Variants in ZNF709 observed in about 807,000 individuals in gnomAD.
The protein encoded by ZNF709 is zinc finger protein 709.
ZNF709 carries 15 observed loss-of-function variants against 10.6 expected under a neutral mutation model. The observed-to-expected ratio is 1.41, with a 90% CI of 0.95 to 2.18. The LOEUF is 2.18. Ranked by LOEUF, ZNF709 falls within the 30% of genes most tolerant of loss-of-function variation. The pLI, the probability that ZNF709 is intolerant of heterozygous loss-of-function variation, is 0.00. For missense variants in ZNF709, 589 were observed against 774.0 expected (o/e 0.76, Z 2.84); for synonymous variants, 194 against 238.8 (o/e 0.81, Z 1.73).
Position 12,464,362 on chromosome 19 carries a change from T to C in ZNF709, c.1560A>G (p.Arg520=), listed in dbSNP as rs1970545822. 1 of 1,612,256 alleles carries C rather than the reference T, an allele frequency of 6.2e-7. No individual in the cohort carries two copies. Among genetic ancestry groups the C allele is most frequent in the Non-Finnish European group, 8.5e-7 (1 of 1,179,124 alleles). The change falls in exon 4 of 4, where the codon CGA becomes CGG. Residue 520 remains arginine, a synonymous_variant. Transcript: ENST00000397732. ...CCCCAGTGTGAGTCCTTTCATGCATTCGAAAGGAACTGGAACAACTGAAGG... is the reference window on the plus strand; with the variant it reads ...CCCCAGTGTGAGTCCTTTCATGCATCCGAAAGGAACTGGAACAACTGAAGG... The part of the protein sequence containing the change: ...GKAFSCSSSF[R]MHERTHTGEK...
chr19:12,476,418 G>T (rs899307089), intron 1 of ZNF709, among the ~76,000 whole-genome samples: 3 of 151,520 alleles, frequency 2.0e-5, no homozygotes, highest in Non-Finnish European at 4.4e-5. Flanking sequence ...AAAGTTATAG[G>T]ATACTAAAAG....
intron 1 of ZNF709, among the ~76,000 whole-genome samples, chr19:12,483,307 ATTTTTTTTTT>A (rs35777030): frequency 3.2e-4 from 30 of 95,234 alleles, no homozygotes; most frequent in African/African-American, 1.1e-3. Flanking sequence ...CGCCCAGCTA[ATTTTTTTTTT>A]TTTTTTTTTT....
rs771188520 is a variant in ZNF709 at position 12,465,497 on chromosome 19, C to A, written c.425G>T (p.Cys142Phe). ...YHKYGEKSYE[C>F]KECGKRFSFR... ...GCTGAATCTTTTCCCACATTCCTTA[C>A]ATTCATATGATTTCTCTCCATATTT... is the stretch of plus-strand genomic sequence containing the variant. The change falls in exon 4 of 4, where the codon TGT becomes TTT. Residue 142 changes from cysteine to phenylalanine, a missense_variant. By Grantham distance (205) the Cys-to-Phe change is radical. This residue lies in a region of ZNF709 where 418 missense variants were observed against 496.3 expected (regional missense o/e 0.84). Coordinates refer to ENST00000397732, the MANE Select transcript of ZNF709 (RefSeq NM_152601.4). The A allele has an allele frequency of 6.2e-7, 1 of 1,610,242 alleles. No individual in the cohort carries two copies. The highest frequency in any genetic ancestry group is 8.5e-7 in the Non-Finnish European group (1 of 1,178,644).
intron 1 of ZNF709, among the ~76,000 whole-genome samples, chr19:12,483,739 A>G (rs1233735775): frequency 1.3e-5 from 2 of 152,032 alleles, no homozygotes; most frequent in Non-Finnish European, 2.9e-5. Context: ...GGGTTTCGCC[A>G]TGTTGGCTGG....
chr19:12,478,855 G>A (rs1473724055), intron 1 of ZNF709, among the ~76,000 whole-genome samples: 11 of 152,194 alleles, frequency 7.2e-5, no homozygotes, highest in East Asian at 1.9e-4. Context: ...TGTGCAGCAC[G>A]AGGAGAAGAG....
intron 1 of ZNF709, 126 bp downstream of exon 1, chr19:12,484,529 G>A (rs1337501492): frequency 2.3e-6 from 3 of 1,322,754 alleles, no homozygotes; most frequent in Non-Finnish European, 3.2e-6. Context: ...AGCTGCGCCA[G>A]GAGGACTCGG....
intron 1 of ZNF709, among the ~76,000 whole-genome samples, chr19:12,467,143 C>A (rs1459015762): frequency 6.6e-6 from 1 of 152,180 alleles, no homozygotes; most frequent in Non-Finnish European, 1.5e-5. Flanking sequence ...CCTCTCCCCA[C>A]GGTCTCCCTC....
chr19:12,478,812 T>A (rs1970697402), intron 1 of ZNF709, among the ~76,000 whole-genome samples: 1 of 152,134 alleles, frequency 6.6e-6, no homozygotes, highest in Non-Finnish European at 1.5e-5. Context: ...TGGTTTGAAT[T>A]TCCTGCTCCC....
rs746471677 is a variant in ZNF709, at chr19:12,465,633, T to C, written c.289A>G (p.Thr97Ala). Residue 97 changes from threonine to alanine, a missense_variant, in exon 4 of 4, where the codon ACT (threonine) becomes GCT (alanine). This residue lies in a region of ZNF709 where 418 missense variants were observed against 496.3 expected (regional missense o/e 0.84). Transcript: ENST00000397732. ...CTACATTCATATGGTTTTACTCTAG[T>C]AAAAGTTTTCTTGTTTGGTTTAGGA... ...PNPKPNKKTF[T>A]RVKPYECSVC... 6.2e-7 allele frequency: 1 copy of C among 1,613,260 alleles called. No homozygotes were observed. The highest frequency in any genetic ancestry group is 1.1e-5 in the South Asian group (1 of 90,736).
intron 1 of ZNF709, among the ~76,000 whole-genome samples, chr19:12,467,263 G>C (rs565445148): frequency 2.0e-5 from 3 of 152,162 alleles, no homozygotes; most frequent in East Asian, 3.9e-4. Context: ...TCAGCCTGCC[G>C]AGTGCCTGCG....
chr19:12,463,915 A>C lies in ZNF709; in HGVS notation c.*81T>G. 1 of 1,196,602 alleles carries C rather than the reference A, an allele frequency of 8.4e-7. No individual in the cohort carries two copies. The highest frequency in any genetic ancestry group is 1.1e-6 in the Non-Finnish European group (1 of 913,308). The allele number at this position is 1,196,602 out of a possible 1,614,324, so 74.1% of individuals were successfully genotyped here. A position where few individuals can be genotyped will look rare whatever the true frequency, so the allele number is the denominator to read the frequency against. On this transcript the variant is annotated 3_prime_UTR_variant, in exon 4 of 4. Transcript: ENST00000397732. ...GCACTCCAGCCAGGGCAACAGAGTG[A>C]GAATTCAACTCAAAAAAAAAAAAAA...
At chr19:12,467,688 G>C (rs35017653) in intron 1 of ZNF709, among the ~76,000 whole-genome samples, 1 of 151,374 alleles carries the variant, frequency 6.6e-6, no homozygotes, top group Non-Finnish European at 1.5e-5. Context: ...TCACATCTAG[G>C]AAGTGAGGAG....
chr19:12,468,502 C>T (rs563151992), intron 1 of ZNF709, among the ~76,000 whole-genome samples: 51 of 151,626 alleles, frequency 3.4e-4, no homozygotes, highest in Non-Finnish European at 6.3e-4. Flanking sequence ...GCAGCATGCT[C>T]GTTAAGAGTC....
chr19:12,471,553 G>A (rs1970634644), intron 1 of ZNF709, among the ~76,000 whole-genome samples: 1 of 152,168 alleles, frequency 6.6e-6, no homozygotes, highest in Admixed American at 6.5e-5. Context: ...TACTTGCCTA[G>A]TATGTATCAA....
intron 1 of ZNF709, among the ~76,000 whole-genome samples, chr19:12,480,263 T>C (rs1970712930): frequency 6.6e-6 from 1 of 152,204 alleles, no homozygotes; most frequent in East Asian, 1.9e-4. Flanking sequence ...TTATTATGTG[T>C]CCTACCATCT....
chr19:12,477,143 C>T (rs143833155), intron 1 of ZNF709, among the ~76,000 whole-genome samples: 271 of 152,270 alleles, frequency 1.8e-3, no homozygotes, highest in Admixed American at 3.2e-3. Context: ...GGGACCACAG[C>T]ATTAAGGTTA....
At chr19:12,482,293 CACAT>C (rs778567142) in intron 1 of ZNF709, among the ~76,000 whole-genome samples, 1 of 152,092 alleles carries the variant, frequency 6.6e-6, no homozygotes, top group African/African-American at 2.4e-5. Context: ...GAAAGCTAAA[CACAT>C]ACACAAGCTT....
chr19:12,469,301 A>G (rs1459065341), intron 1 of ZNF709, among the ~76,000 whole-genome samples: 4 of 152,146 alleles, frequency 2.6e-5, no homozygotes, highest in African/African-American at 7.2e-5. Flanking sequence ...GTCAGATCCA[A>G]CTGGTGGAGT....
intron 1 of ZNF709, among the ~76,000 whole-genome samples, chr19:12,467,288 C>T (rs958018568): frequency 6.6e-5 from 10 of 152,212 alleles, no homozygotes; most frequent in South Asian, 2.1e-4. Flanking sequence ...CAGGCGCGCG[C>T]GCCGCCACGC....
Sources: gnomAD v4.1 joint callset for allele counts (sites outside exome capture counted in the v4.1 genomes callset) on GRCh38, gnomAD v4.1.1 for gene constraint, gnomAD v4.1.1 regional missense constraint, MANE v1.5 for transcripts, NCBI Gene and HGNC (gene_info 2026-07-23, HGNC 2026-07-21) for gene names.